The following TFDP2 variants were observed in gnomAD, a reference collection of about 807,000 sequenced individuals.
TFDP2 encodes the protein transcription factor Dp-2 (E2F dimerization partner 2).
Under a neutral mutation model 59.3 loss-of-function variants are expected in TFDP2, and 17 were observed. The ratio of observed to expected loss-of-function variants is 0.29; its 90% CI spans 0.20 to 0.43. TFDP2 has a LOEUF of 0.43. Ranked by LOEUF, TFDP2 falls within the 20% of genes least tolerant of loss-of-function variation. The probability of loss-of-function intolerance (pLI) is 1.00; values close to 1 mark genes in which losing one functional copy is unlikely to be tolerated. For missense variants in TFDP2, 391 were observed against 528.8 expected, an observed-to-expected ratio of 0.74 and a Z score of 2.56; for synonymous variants, 180 against 194.7, an observed-to-expected ratio of 0.92 and a Z score of 0.63.
Position 141,995,087 on chromosome 3 carries a change from G to A in TFDP2, c.241C>T (p.Pro81Ser), listed in dbSNP as rs11569200. The change falls in exon 5 of 13, where the codon CCA (proline) becomes TCA (serine). Residue 81 changes from proline (P) to serine (S), a missense_variant. Pro to Ser is a moderately conservative substitution (Grantham distance 74). Coordinates refer to ENST00000489671, the MANE Select transcript of TFDP2 (RefSeq NM_001178139.2). ...ACCATTGCTGGTGCAGGGGTATATG[G>A]ACTCCCAATCAGAACACTTCCTGAA... ...TSSGSVLIGS[P>S]YTPAPAMVTQ... The A allele has an allele frequency of 2.0e-4, 324 of 1,611,596 alleles. No individual in the cohort carries two copies. In the African/African-American group the frequency reaches 3.8e-3, roughly 19 times the overall value.
intron 3 of TFDP2, among the ~76,000 whole-genome samples, chr3:142,006,078 T>C (rs998323720): frequency 1.3e-5 from 2 of 152,194 alleles, no homozygotes; most frequent in African/African-American, 2.4e-5. Context: ...AAAAACATGG[T>C]GCTAACTAGT....
At chr3:142,098,963 G>A (rs553318642) in intron 2 of TFDP2, among the ~76,000 whole-genome samples, 7 of 152,200 alleles carry the variant, frequency 4.6e-5, no homozygotes, top group Non-Finnish European at 7.4e-5. Context: ...ATAGGGTTTC[G>A]ATCATTTGCA....
intron 6 of TFDP2, among the ~76,000 whole-genome samples, chr3:141,982,908 TACTCGATTTA>T (rs1941641699): frequency 6.6e-6 from 1 of 152,230 alleles, no homozygotes; most frequent in African/African-American, 2.4e-5. Context: ...TTGAGCAGTT[TACTCGATTTA>T]ACTCTGATCC....
chr3:142,010,565 C>T (rs1289604846), intron 3 of TFDP2, among the ~76,000 whole-genome samples: 27 of 143,478 alleles, frequency 1.9e-4, no homozygotes, highest in African/African-American at 2.6e-4. Context: ...GCCAAGATCG[C>T]GCTAATGAAC....
intron 3 of TFDP2, among the ~76,000 whole-genome samples, chr3:142,029,546 A>T (rs1482729537): frequency 6.6e-6 from 1 of 151,922 alleles, no homozygotes; most frequent in Admixed American, 6.6e-5. Context: ...ACAAAAGATG[A>T]CCTCTTAGGT....
chr3:141,961,141 C>A lies in TFDP2; in HGVS notation c.885-1301G>T, dbSNP rs117469612. ...TAGTTTTATAATTCTCCATACAAAACAAGAGACTAATTTGAGAGAGTAACT... is the reference window on the plus strand; with the variant it reads ...TAGTTTTATAATTCTCCATACAAAAAAAGAGACTAATTTGAGAGAGTAACT... On this transcript the variant is annotated intron_variant, in intron 10 of 12. Coordinates refer to ENST00000489671, the MANE Select transcript of TFDP2 (RefSeq NM_001178139.2). 2.1e-4 allele frequency among the ~76,000 whole-genome samples: 32 copies of A among 150,716 alleles called. No homozygotes were observed. The South Asian group carries it at 5.7e-3, about 27-fold the overall frequency.
chr3:142,091,730 A>G (rs1430258608), intron 3 of TFDP2, among the ~76,000 whole-genome samples: 1 of 152,298 alleles, frequency 6.6e-6, no homozygotes, highest in East Asian at 1.9e-4. Flanking sequence ...GGATGGTTTC[A>G]GGATGAAACT....
intron 3 of TFDP2, among the ~76,000 whole-genome samples, chr3:142,090,562 CTT>C (rs944915464): frequency 3.7e-4 from 51 of 139,106 alleles, no homozygotes; most frequent in Non-Finnish European, 3.6e-4. Flanking sequence ...TCTTTCTTTC[CTT>C]TTTTTTTTTT....
At chr3:141,982,958 C>T in intron 6 of TFDP2, among the ~76,000 whole-genome samples, 1 of 152,182 alleles carries the variant, frequency 6.6e-6, no homozygotes. Context: ...ATGCAGAATA[C>T]ACATCTCACA....
In TFDP2 at chr3:142,147,855, T is replaced by A. The variant is rs547108855; in HGVS notation, c.-93+1328A>T. Among the ~76,000 whole-genome samples the A allele has an allele frequency of 9.2e-5, 14 of 152,310 alleles. No homozygotes were observed. The East Asian group carries it at 2.7e-3, about 29-fold the overall frequency. ...TTTTTCTCCTGGTGCTGTCTGAGAA[T>A]GGACACTGCCATTAAAGATTAATTA... On this transcript the variant is annotated intron_variant, in intron 1 of 12. Transcript: ENST00000489671.
chr3:142,044,916 A>T, intron 3 of TFDP2, among the ~76,000 whole-genome samples: 1 of 152,134 alleles, frequency 6.6e-6, no homozygotes, highest in Non-Finnish European at 1.5e-5. Flanking sequence ...GCTTTAATAT[A>T]GAATCTGGTA....
intron 3 of TFDP2, among the ~76,000 whole-genome samples, chr3:142,028,878 A>C (rs568972235): frequency 3.7e-4 from 56 of 152,326 alleles, no homozygotes; most frequent in African/African-American, 1.3e-3. Context: ...AATTAAAAGG[A>C]TATTTTTATT....
chr3:142,148,100 A>G (rs1218071416), intron 1 of TFDP2, among the ~76,000 whole-genome samples: 1 of 151,286 alleles, frequency 6.6e-6, no homozygotes, highest in Non-Finnish European at 1.5e-5. Context: ...CAAGCCATGA[A>G]GAGAAAACAC....
At position 141,953,031 on chromosome 3, in the gene TFDP2, G is replaced by A. The variant is rs1327889056; in HGVS notation, c.1052-15C>T. 1 of 1,595,446 alleles carries A rather than the reference G, an allele frequency of 6.3e-7. No individual in the cohort carries two copies. The highest frequency in any genetic ancestry group is 1.7e-5 in the Admixed American group (1 of 59,344). On this transcript the variant is annotated splice_polypyrimidine_tract_variant and intron_variant, in intron 11 of 12. Coordinates refer to ENST00000489671, the MANE Select transcript of TFDP2 (RefSeq NM_001178139.2). ...TGTGGAGATATCTAAAGGAAAAAAT[G>A]AGAACAAAAAATGTCGGTCCTGCAA...
At chr3:142,035,277 T>C (rs906923193) in intron 3 of TFDP2, among the ~76,000 whole-genome samples, 2 of 152,200 alleles carry the variant, frequency 1.3e-5, no homozygotes, top group African/African-American at 2.4e-5. Flanking sequence ...TTTCAGTAGT[T>C]CCTGCCTCCA....
chr3:142,070,251 C>A (rs2060202772), intron 3 of TFDP2, among the ~76,000 whole-genome samples: 1 of 152,080 alleles, frequency 6.6e-6, no homozygotes, highest in Non-Finnish European at 1.5e-5. Context: ...TAATACTCAC[C>A]AATCTTATAG....
chr3:141,979,636 T>C (rs1197835816), intron 6 of TFDP2, among the ~76,000 whole-genome samples: 1 of 152,148 alleles, frequency 6.6e-6, no homozygotes, highest in East Asian at 1.9e-4. Context: ...TCCCCTAGGC[T>C]GGAGTGCAGT....
At chr3:142,008,536 C>T (rs1560021917) in intron 3 of TFDP2, among the ~76,000 whole-genome samples, 1 of 152,060 alleles carries the variant, frequency 6.6e-6, no homozygotes, top group Admixed American at 6.6e-5. Context: ...AATTCAACCA[C>T]CTGGCTTTGT....
intron 6 of TFDP2, among the ~76,000 whole-genome samples, chr3:141,983,048 T>C (rs541644746): frequency 2.6e-5 from 4 of 152,314 alleles, no homozygotes. Flanking sequence ...AGAATTTTCA[T>C]AAGCAATATA....
Sources: gnomAD v4.1 joint callset for allele counts (sites outside exome capture counted in the v4.1 genomes callset) on GRCh38, gnomAD v4.1.1 for gene constraint, MANE v1.5 for transcripts, NCBI Gene and HGNC (gene_info 2026-07-23, HGNC 2026-07-21) for gene names.